Variants in YAF2 observed in about 807,000 individuals in gnomAD.
YAF2 encodes the protein YY1-associated factor 2.
YAF2 carries 7 observed loss-of-function variants against 20.1 expected under a neutral mutation model. That is an observed-to-expected ratio of 0.35 (90% CI 0.20 to 0.65). The LOEUF is 0.65. Ranked by LOEUF, YAF2 falls within the 30% of genes least tolerant of loss-of-function variation. YAF2 has a pLI of 0.69. For missense variants in YAF2, 151 were observed against 219.2 expected (o/e 0.69, Z 1.96); for synonymous variants, 74 against 76.0 (o/e 0.97, Z 0.14).
chr12:42,237,389 A>C (rs2068201333), intron 2 of YAF2: 1 of 1,264,042 alleles, frequency 7.9e-7, no homozygotes, highest in African/African-American at 1.6e-5. Context: ...TCTTGGCAGC[A>C]AAAAACGTTA....
At chr12:42,212,473 T>C (rs1451729971) in intron 2 of YAF2, 1 of 448,552 alleles carries the variant, frequency 2.2e-6, no homozygotes, top group Admixed American at 2.5e-5. Context: ...TATGATTTCA[T>C]GATTCTTCAT....
chr12:42,162,573 A>G (rs2065822135), intron 2 of YAF2, among the ~76,000 whole-genome samples: 1 of 152,220 alleles, frequency 6.6e-6, no homozygotes, highest in African/African-American at 2.4e-5. Context: ...GAAGGAGGGA[A>G]GAAGTAAGAT....
intron 2 of YAF2, chr12:42,210,630 T>G (rs1375026576): frequency 5.9e-6 from 9 of 1,536,030 alleles, no homozygotes; most frequent in Non-Finnish European, 6.1e-6. Flanking sequence ...CTGTGGAGAT[T>G]ACCCAATAGG....
chr12:42,232,790 G>C, intron 2 of YAF2: 1 of 985,272 alleles, frequency 1.0e-6, no homozygotes, highest in Middle Eastern at 5.2e-4. Context: ...TTCAGAATGT[G>C]GATTTTATAG....
intron 2 of YAF2, among the ~76,000 whole-genome samples, chr12:42,223,623 A>C (rs888161980): frequency 6.6e-6 from 1 of 152,080 alleles, no homozygotes; most frequent in East Asian, 1.9e-4. Context: ...AGCCTGTAAA[A>C]GTGCTGGGAT....
chr12:42,222,673 G>A (rs1165609447), intron 2 of YAF2, among the ~76,000 whole-genome samples: 2 of 152,104 alleles, frequency 1.3e-5, no homozygotes, highest in African/African-American at 2.4e-5. Flanking sequence ...TTGTACTAGG[G>A]TTACATTATT....
chr12:42,190,670 T>C (rs2066590932), intron 2 of YAF2, among the ~76,000 whole-genome samples: 1 of 152,162 alleles, frequency 6.6e-6, no homozygotes, highest in African/African-American at 2.4e-5. Flanking sequence ...TGTATGTTAT[T>C]CATGTCTTTC....
chr12:42,203,897 A>G (rs2066967604), intron 2 of YAF2, among the ~76,000 whole-genome samples: 1 of 152,182 alleles, frequency 6.6e-6, no homozygotes, highest in Non-Finnish European at 1.5e-5. Flanking sequence ...GCAAAAGCAT[A>G]TCTAAAATTA....
At chr12:42,234,075 G>T in intron 2 of YAF2, 1 of 634,044 alleles carries the variant, frequency 1.6e-6, no homozygotes, top group Non-Finnish European at 2.0e-6. Context: ...AGAGGCTGAG[G>T]CATGAGAATT....
chr12:42,194,600 T>A (rs1204363563), intron 2 of YAF2, among the ~76,000 whole-genome samples: 1 of 152,194 alleles, frequency 6.6e-6, no homozygotes, highest in Non-Finnish European at 1.5e-5. Context: ...GCTGAGATTG[T>A]GCCACTGCAC....
At chr12:42,182,248 G>T (rs530866541) in intron 2 of YAF2, among the ~76,000 whole-genome samples, 37 of 152,294 alleles carry the variant, frequency 2.4e-4, no homozygotes, top group African/African-American at 8.9e-4. Flanking sequence ...CAGAAGGCAT[G>T]AAATTCTGTT....
At chr12:42,227,883 G>C (rs1427767415) in intron 2 of YAF2, among the ~76,000 whole-genome samples, 1 of 138,330 alleles carries the variant, frequency 7.2e-6, no homozygotes, top group African/African-American at 2.8e-5. Flanking sequence ...CGCCCCGTCC[G>C]GGAGGTGAGG....
At chr12:42,171,516 A>AAAAG (rs533161644) in intron 2 of YAF2, among the ~76,000 whole-genome samples, 21 of 151,224 alleles carry the variant, frequency 1.4e-4, no homozygotes, top group Non-Finnish European at 2.6e-4. Flanking sequence ...AATTAAAAAA[A>AAAAG]AAAGAAAGAA....
chr12:42,208,444 AAAATT>A (rs1339944697), intron 2 of YAF2, among the ~76,000 whole-genome samples: 1 of 152,130 alleles, frequency 6.6e-6, no homozygotes, highest in East Asian at 1.9e-4. Flanking sequence ...TTAAAAAATA[AAAATT>A]AAATTAAATT....
At chr12:42,225,791 T>TAG (rs1171096333) in intron 2 of YAF2, among the ~76,000 whole-genome samples, 1 of 152,236 alleles carries the variant, frequency 6.6e-6, no homozygotes, top group Non-Finnish European at 1.5e-5. Flanking sequence ...ACTTGTGGTA[T>TAG]AGTTTGAAGT....
intron 2 of YAF2, chr12:42,235,748 T>C (rs7960176): frequency 0.67 from 1,025,245 of 1,534,714 alleles, 347,638 homozygotes; most frequent in African/African-American, 0.94. Flanking sequence ...TACAAGAGCT[T>C]AGATGTACTG....
intron 2 of YAF2, among the ~76,000 whole-genome samples, chr12:42,191,931 A>G (rs2066622800): frequency 6.6e-6 from 1 of 152,032 alleles, no homozygotes; most frequent in African/African-American, 2.4e-5. Context: ...CTCTACTAAA[A>G]ATACAAAAAT....
intron 2 of YAF2, among the ~76,000 whole-genome samples, chr12:42,203,465 C>A (rs1233584188): frequency 6.6e-6 from 1 of 151,246 alleles, no homozygotes; most frequent in Non-Finnish European, 1.5e-5. Flanking sequence ...TCTGTCTTAC[C>A]CTTGGCTTTA....
intron 2 of YAF2, among the ~76,000 whole-genome samples, chr12:42,223,541 T>G (rs1458285462): frequency 1.3e-5 from 2 of 152,102 alleles, no homozygotes; most frequent in Non-Finnish European, 2.9e-5. Context: ...ATTTATTTAT[T>G]TGTACAGACA....
Sources: gnomAD v4.1 joint callset for allele counts (sites outside exome capture counted in the v4.1 genomes callset) on GRCh38, gnomAD v4.1.1 for gene constraint, MANE v1.5 for transcripts, NCBI Gene and HGNC (gene_info 2026-07-23, HGNC 2026-07-21) for gene names.